Variants in HERC1 observed in about 807,000 individuals in gnomAD.
HERC1 encodes the protein HECT and RLD domain containing E3 ubiquitin protein ligase family member 1, also known as probable E3 ubiquitin-protein ligase HERC1.
Under a neutral mutation model 554.3 loss-of-function variants are expected in HERC1, and 160 were observed. The ratio of observed to expected loss-of-function variants is 0.29; its 90% CI spans 0.25 to 0.33. The LOEUF (loss-of-function observed/expected upper bound fraction) is 0.33, where lower values mean the gene tolerates loss of function less well. HERC1 is among the 10% of genes least tolerant of loss of function. The probability of loss-of-function intolerance (pLI) is 1.00; values close to 1 mark genes in which losing one functional copy is unlikely to be tolerated. For missense variants in HERC1, 4,919 were observed against 5,918.5 expected (o/e 0.83, Z 5.54); for synonymous variants, 2,175 against 2,131.7 (o/e 1.02, Z -0.56).
At chr15:63,809,880 A>G (rs929900069) in intron 1 of HERC1, among the ~76,000 whole-genome samples, 1 of 151,970 alleles carries the variant, frequency 6.6e-6, no homozygotes, top group African/African-American at 2.4e-5. Flanking sequence ...AGGTCTCACT[A>G]TGTTGCCCAG....
chr15:63,699,770 TAGAC>T (rs67155936), intron 25 of HERC1, among the ~76,000 whole-genome samples: 67,268 of 151,658 alleles, frequency 0.44, 15,895 homozygotes, highest in Non-Finnish European at 0.53. Flanking sequence ...ATCTTTACAT[TAGAC>T]AGCAAAATGT....
intron 64 of HERC1, among the ~76,000 whole-genome samples, chr15:63,636,433 G>A (rs1324098594): frequency 6.6e-6 from 1 of 151,848 alleles, no homozygotes; most frequent in East Asian, 1.9e-4. Context: ...ACCATATCTG[G>A]CTAATTTTTG....
At chr15:63,621,188 G>C (rs915788485) in intron 74 of HERC1, among the ~76,000 whole-genome samples, 3 of 152,162 alleles carry the variant, frequency 2.0e-5, no homozygotes. Context: ...GGGCAGGCCT[G>C]GTGGTGACAA....
In HERC1 at chr15:63,659,891, C is replaced by T; in HGVS notation, c.9269G>A (p.Gly3090Asp). 6.2e-7 allele frequency: 1 copy of T among 1,613,738 alleles called. No individual in the cohort carries two copies. The highest frequency in any genetic ancestry group is 8.5e-7 in the Non-Finnish European group (1 of 1,179,736). ...LDVDEDEKLT[G>D]EEEFELLAGP... ...AGCAAGTAATTCAAATTCTTCTTCA[C>T]CAGTTAGCTTTTCATCTTCATCAAC... Residue 3090 changes from glycine (G) to aspartate (D), a missense_variant, in exon 47 of 78, where the codon GGT becomes GAT. Around this residue, in one of 11 missense-constraint regions of HERC1, gnomAD observed 1,963 missense variants for 2,228.6 expected, o/e 0.88. Transcript: ENST00000443617.
rs780844133 is a variant in HERC1 at position 63,674,853 on chromosome 15, T to A, written c.7335A>T (p.Thr2445=). 3.1e-6 allele frequency: 5 copies of A among 1,613,840 alleles called. No homozygotes were observed. In the South Asian group the frequency reaches 5.5e-5, roughly 18 times the overall value. The change falls in exon 38 of 78, where the codon ACA becomes ACT. Residue 2445 remains threonine, a synonymous_variant. Transcript: ENST00000443617. ...TACTCTGACTTTTGACGTCATCAGATGTTAGGCCTGTTCGCATATCTAAAG... is the reference window on the plus strand; with the variant it reads ...TACTCTGACTTTTGACGTCATCAGAAGTTAGGCCTGTTCGCATATCTAAAG... ...ESALDMRTGL[T]SDDVKSQSTT...
chr15:63,825,602 T>A (rs2077869512), intron 1 of HERC1, among the ~76,000 whole-genome samples: 1 of 152,118 alleles, frequency 6.6e-6, no homozygotes, highest in Non-Finnish European at 1.5e-5. Flanking sequence ...GCTTATTTTG[T>A]AATCAGTAAA....
intron 52 of HERC1, among the ~76,000 whole-genome samples, chr15:63,651,881 C>T (rs1159025156): frequency 6.6e-6 from 1 of 151,906 alleles, no homozygotes. Flanking sequence ...ACTAATAATA[C>T]AAAAATTAGC....
At chr15:63,805,529 T>C (rs546691224) in intron 1 of HERC1, among the ~76,000 whole-genome samples, 1 of 152,188 alleles carries the variant, frequency 6.6e-6, no homozygotes, top group African/African-American at 2.4e-5. Flanking sequence ...TTTCTGGGTA[T>C]GATGAAAAGA....
intron 5 of HERC1, among the ~76,000 whole-genome samples, chr15:63,755,547 G>A (rs1257885292): frequency 6.6e-6 from 1 of 152,204 alleles, no homozygotes; most frequent in African/African-American, 2.4e-5. Context: ...GGCAGGCCAA[G>A]GCAGGCAGAT....
intron 1 of HERC1, chr15:63,779,877 G>C (rs2076233214): frequency 6.6e-6 from 1 of 151,872 alleles, no homozygotes; most frequent in Admixed American, 6.6e-5. Flanking sequence ...AGCCAGTAGT[G>C]GTGGTGCGCG....
chr15:63,719,025 C>A, intron 19 of HERC1, 128 bp from the exon 20 acceptor site: 1 of 630,388 alleles, frequency 1.6e-6, no homozygotes, highest in Non-Finnish European at 2.7e-6. Flanking sequence ...AACAAATGCA[C>A]CTCATTAGAT....
chr15:63,793,371 A>G (rs951907609), intron 1 of HERC1, among the ~76,000 whole-genome samples: 2 of 152,236 alleles, frequency 1.3e-5, no homozygotes, highest in Non-Finnish European at 2.9e-5. Flanking sequence ...CATACTGCTC[A>G]TTATACACTA....
At chr15:63,720,676 T>G (rs2073781455) in intron 19 of HERC1, among the ~76,000 whole-genome samples, 1 of 152,190 alleles carries the variant, frequency 6.6e-6, no homozygotes, top group African/African-American at 2.4e-5. Flanking sequence ...ACAGAGAATC[T>G]TAGAATGACA....
chr15:63,831,745 C>T (rs2078164359), intron 1 of HERC1, among the ~76,000 whole-genome samples: 1 of 152,050 alleles, frequency 6.6e-6, no homozygotes, highest in African/African-American at 2.4e-5. Context: ...ATTATTTGCA[C>T]CCTCTACTAA....
rs939546717 is a variant in HERC1, at chr15:63,655,652, A to G, written c.10084+90T>C. On this transcript the variant is annotated intron_variant, in intron 50 of 77. Coordinates refer to ENST00000443617, the MANE Select transcript of HERC1 (RefSeq NM_003922.4). ...TCTAAACTTAAGAAACTCACGTCAT[A>G]TAATTTATCATATACTAACAATGTA... 8 of 913,580 alleles carry G rather than the reference A, an allele frequency of 8.8e-6. No individual in the cohort carries two copies. In the Admixed American group the frequency reaches 2.3e-4, roughly 26 times the overall value. The allele number at this position is 913,580 out of a possible 1,614,324, so 56.6% of individuals were successfully genotyped here.
intron 37 of HERC1, among the ~76,000 whole-genome samples, chr15:63,676,798 T>G (rs1451010416): frequency 1.3e-5 from 2 of 152,172 alleles, no homozygotes; most frequent in Non-Finnish European, 2.9e-5. Flanking sequence ...AAAAAGATAT[T>G]GTTCTATGTC....
chr15:63,803,429 CT>C (rs879775473), intron 1 of HERC1, among the ~76,000 whole-genome samples: 72 of 148,000 alleles, frequency 4.9e-4, no homozygotes, highest in Admixed American at 6.1e-4. Flanking sequence ...TTTTTTCTCT[CT>C]TTTTTTTTTG....
chr15:63,769,150 G>A (rs1475740103), intron 2 of HERC1, among the ~76,000 whole-genome samples: 1 of 152,212 alleles, frequency 6.6e-6, no homozygotes, highest in Non-Finnish European at 1.5e-5. Context: ...GGGCACAGTG[G>A]TTCACGCCTG....
At chr15:63,785,227 C>A (rs762699628) in intron 1 of HERC1, among the ~76,000 whole-genome samples, 22 of 151,986 alleles carry the variant, frequency 1.4e-4, no homozygotes, top group Non-Finnish European at 2.5e-4. Flanking sequence ...AGTTCAAGAC[C>A]AGCCTGAGCA....
Sources: allele counts gnomAD v4.1 joint callset (sites outside exome capture counted in the v4.1 genomes callset), GRCh38; gene constraint gnomAD v4.1.1; regional missense constraint gnomAD v4.1.1; transcripts MANE v1.5; gene names NCBI Gene and HGNC (gene_info 2026-07-23, HGNC 2026-07-21).